DPP10: variants seen among roughly 807,000 people sequenced by gnomAD.
The protein encoded by DPP10 is dipeptidyl peptidase like 10.
A neutral mutation model predicts 120.9 loss-of-function variants in DPP10; 33 were observed. The ratio of observed to expected loss-of-function variants is 0.27; its 90% confidence interval spans 0.21 to 0.37. DPP10 has a LOEUF of 0.37. Among genes scored for constraint, DPP10 ranks in the 10% least tolerant of loss-of-function variants. DPP10 has a pLI of 1.00. For synonymous variants in DPP10, 337 were observed against 326.1 expected (o/e 1.03, Z -0.36); for missense variants, 816 against 942.8 (o/e 0.87, Z 1.76).
chr2:115,840,876 G>C, intron 25 of DPP10, 53 bp downstream of exon 25: 2 of 1,459,282 alleles, frequency 1.4e-6, no homozygotes, highest in Non-Finnish European at 1.9e-6. Flanking sequence ...TTTCACTTGT[G>C]AGATACGCAA....
chr2:115,009,890 GAAAAT>G lies in DPP10; in HGVS notation c.61-299342_61-299338del, dbSNP rs2105079608. Among the ~76,000 whole-genome samples the G allele has an allele frequency of 1.3e-5, 2 of 152,206 alleles. 1 individual carries two copies. Among genetic ancestry groups the G allele is most frequent in the South Asian group, 4.1e-4 (2 of 4,820 alleles). On this transcript the variant is annotated intron_variant, in intron 1 of 25. Transcript: ENST00000410059. ...ACTCATTAATACAAATTTTTTTAAA[GAAAAT>G]AAAATAGATATTTAAAATGTGGTAT...
intron 1 of DPP10, among the ~76,000 whole-genome samples, chr2:114,966,543 C>T (rs920190387): frequency 2.6e-5 from 4 of 152,282 alleles, no homozygotes; most frequent in African/African-American, 9.6e-5. Context: ...ATGCAACAGG[C>T]TGATCTTGAA....
Position 114,640,652 on chromosome 2 carries a change from C to T in DPP10, c.60+197814C>T, listed in dbSNP as rs114625521. The stretch of plus-strand genomic sequence containing the variant: ...CCCTTCATCAGGGCAGCCTGCTGTT[C>T]CTCGACATCATGGATGTTGATGGTA... On this transcript the variant is annotated intron_variant, in intron 1 of 25. Coordinates refer to ENST00000410059, the MANE Select transcript of DPP10 (RefSeq NM_020868.6). 6.4e-3 allele frequency among the ~76,000 whole-genome samples: 967 copies of T among 151,950 alleles called. 30 individuals are homozygous for T. The highest frequency in any genetic ancestry group is 0.022 in the African/African-American group (892 of 41,228).
At chr2:115,732,524 G>A (rs1265283667) in intron 8 of DPP10, among the ~76,000 whole-genome samples, 2 of 152,042 alleles carry the variant, frequency 1.3e-5, no homozygotes, top group Admixed American at 6.6e-5. Flanking sequence ...AATGTAATTC[G>A]CACAAAACAC....
chr2:115,572,514 G>T (rs1258196573), intron 5 of DPP10, among the ~76,000 whole-genome samples: 1 of 152,110 alleles, frequency 6.6e-6, no homozygotes, highest in African/African-American at 2.4e-5. Context: ...TATGCTATAT[G>T]TGTATGTTAT....
In DPP10 at chr2:115,689,744, G is replaced by A; in HGVS notation, c.494+5G>A. Reference sequence around the variant, plus strand: ...GATTTACAACATACACACTAGGTAAGTTCTTTGATTTTCTAGTTTTCATGA... The same window carrying A: ...GATTTACAACATACACACTAGGTAAATTCTTTGATTTTCTAGTTTTCATGA... On this transcript the variant is annotated splice_donor_5th_base_variant and intron_variant, in intron 6 of 25. Transcript: ENST00000410059. The A allele has an allele frequency of 6.2e-7, 1 of 1,602,986 alleles. No homozygotes were observed. The highest frequency in any genetic ancestry group is 8.5e-7 in the Non-Finnish European group (1 of 1,171,620).
intron 1 of DPP10, among the ~76,000 whole-genome samples, chr2:115,200,970 G>A (rs927269450): frequency 4.6e-5 from 7 of 152,158 alleles, no homozygotes; most frequent in African/African-American, 1.7e-4. Flanking sequence ...ACAGGAAATG[G>A]ATATTTGGAA....
At position 114,515,885 on chromosome 2, in the gene DPP10, G is replaced by A. The variant is rs186007961; in HGVS notation, c.60+73047G>A. Among the ~76,000 whole-genome samples, 199 of 151,674 alleles carry A rather than the reference G, an allele frequency of 1.3e-3. 1 individual carries two copies. The highest frequency in any genetic ancestry group is 1.9e-3 in the Non-Finnish European group (126 of 67,950). ...TCACTTCATTATGGATCTCCTTAGC[G>A]CTGGTGCTAAGGTTAAAACATTAAT... On this transcript the variant is annotated intron_variant, in intron 1 of 25. Transcript: ENST00000410059.
At chr2:115,514,443 T>C (rs1575066286) in intron 4 of DPP10, among the ~76,000 whole-genome samples, 1 of 151,916 alleles carries the variant, frequency 6.6e-6, no homozygotes, top group South Asian at 2.1e-4. Context: ...ACATTATTTA[T>C]ATGTGTCTCT....
At chr2:114,662,780 A>T (rs1354126670) in intron 1 of DPP10, among the ~76,000 whole-genome samples, 1 of 151,930 alleles carries the variant, frequency 6.6e-6, no homozygotes, top group African/African-American at 2.4e-5. Flanking sequence ...CTGAAGTGCC[A>T]GGGGGGGACC....
intron 1 of DPP10, among the ~76,000 whole-genome samples, chr2:114,691,652 G>A (rs2420166): frequency 0.47 from 71,437 of 151,796 alleles, 17,056 homozygotes; most frequent in South Asian, 0.59. Flanking sequence ...TTCAGTAGAA[G>A]TGGTGGCAGC....
rs147234637 is a variant in DPP10 at position 115,748,871 on chromosome 2, TTTTA to T, written c.950+2698_950+2701del. On this transcript the variant is annotated intron_variant, in intron 10 of 25. Transcript: ENST00000410059. ...CTTACCCTCATAGTCTCTTCAATTG[TTTTA>T]TTTATTTATGTCTGATTCAGCTGAA... is the stretch of plus-strand genomic sequence containing the variant. 3.2e-3 allele frequency among the ~76,000 whole-genome samples: 493 copies of T among 152,248 alleles called. 1 individual carries two copies. The highest frequency in any genetic ancestry group is 6.8e-3 in the Middle Eastern group (2 of 294).
At chr2:114,824,610 GTT>G in intron 1 of DPP10, among the ~76,000 whole-genome samples, 1 of 147,378 alleles carries the variant, frequency 6.8e-6, no homozygotes, top group South Asian at 2.1e-4. Flanking sequence ...TTCCATGTTA[GTT>G]TTTTTTTTTA....
At chr2:115,551,286 T>A (rs2079856240) in intron 5 of DPP10, among the ~76,000 whole-genome samples, 1 of 152,168 alleles carries the variant, frequency 6.6e-6, no homozygotes, top group East Asian at 1.9e-4. Flanking sequence ...AGGAGTACAT[T>A]GTGCAATATA....
At chr2:115,573,486 G>C (rs1425193650) in intron 5 of DPP10, among the ~76,000 whole-genome samples, 3 of 150,542 alleles carry the variant, frequency 2.0e-5, no homozygotes. Flanking sequence ...GTTTCACCGT[G>C]TTAGCCAGGT....
At chr2:115,044,137 A>G (rs1704879854) in intron 1 of DPP10, among the ~76,000 whole-genome samples, 1 of 152,142 alleles carries the variant, frequency 6.6e-6, no homozygotes, top group Non-Finnish European at 1.5e-5. Context: ...TCACACTGCT[A>G]TAAACAAATA....
intron 1 of DPP10, among the ~76,000 whole-genome samples, chr2:114,631,221 T>C (rs1377920706): frequency 6.6e-6 from 1 of 151,252 alleles, no homozygotes; most frequent in Non-Finnish European, 1.5e-5. Context: ...GAGCAGAGAG[T>C]GAGGAGCTGG....
rs578059552 is a variant in DPP10 at position 115,647,840 on chromosome 2, A to G, written c.442-41847A>G. On this transcript the variant is annotated intron_variant, in intron 5 of 25. Coordinates refer to ENST00000410059, the MANE Select transcript of DPP10 (RefSeq NM_020868.6). ...TTCCATTCATGAGGCAACAGCTCTC[A>G]TTGCTTAAGCATTTCTTAAAGGCTT... Among the ~76,000 whole-genome samples, 3 of 152,122 alleles carry G rather than the reference A, an allele frequency of 2.0e-5. No individual in the cohort carries two copies. In the South Asian group the frequency reaches 6.2e-4, roughly 32 times the overall value.
intron 1 of DPP10, among the ~76,000 whole-genome samples, chr2:114,751,516 A>C (rs1271357349): frequency 4.6e-5 from 7 of 152,322 alleles, no homozygotes; most frequent in Non-Finnish European, 1.0e-4. Flanking sequence ...AAGTTTGGCC[A>C]GAAATTTAAT....
Sources: gnomAD v4.1 joint callset for allele counts (sites outside exome capture counted in the v4.1 genomes callset) on GRCh38, gnomAD v4.1.1 for gene constraint, MANE v1.5 for transcripts, NCBI Gene and HGNC (gene_info 2026-07-23, HGNC 2026-07-21) for gene names.